The following TMEM165 variants were observed in gnomAD, a reference collection of about 807,000 sequenced individuals.
The protein encoded by TMEM165 is transmembrane protein 165, also known as putative divalent cation/proton antiporter TMEM165.
Under a neutral mutation model 30.0 loss-of-function variants are expected in TMEM165, and 19 were observed. The ratio of observed to expected loss-of-function variants is 0.63; its 90% CI spans 0.44 to 0.93. The LOEUF (loss-of-function observed/expected upper bound fraction) is 0.93. Among genes scored for constraint, TMEM165 ranks in the 40% least tolerant of loss-of-function variants. TMEM165 has a pLI of 0.00. For synonymous variants in TMEM165, 168 were observed against 162.9 expected (o/e 1.03, Z -0.24); for missense variants, 340 against 417.0 (o/e 0.82, Z 1.61).
In TMEM165 at chr4:55,402,795, C is replaced by CTTTTTTTTTTTTTTTTTT. The variant is rs71194554; in HGVS notation, c.207+6413_207+6414insTTTTTTTTTTTTTTTTTT. On this transcript the variant is annotated intron_variant, in intron 1 of 5. Coordinates refer to ENST00000381334, the MANE Select transcript of TMEM165 (RefSeq NM_018475.5). ...ACATTTTTACAACTTTTAAAAAAAG[C>CTTTTTTTTTTTTTTTTTT]TTTTTTTTTTTTTTGAGACGGAGTC... Among the ~76,000 whole-genome samples, 219 of 71,384 alleles carry CTTTTTTTTTTTTTTTTTT rather than the reference C, an allele frequency of 3.1e-3. 47 individuals are homozygous for CTTTTTTTTTTTTTTTTTT. The highest frequency in any genetic ancestry group is 3.9e-3 in the Non-Finnish European group (162 of 41,200). The allele number at this position is 71,384 out of a possible 152,430, so 46.8% of individuals were successfully genotyped here. A position where few individuals can be genotyped will look rare whatever the true frequency, so the allele number is the denominator to read the frequency against.
chr4:55,447,997 C>T (rs1478666616), intron 3 of TMEM165, among the ~76,000 whole-genome samples: 1 of 151,966 alleles, frequency 6.6e-6, no homozygotes, highest in African/African-American at 2.4e-5. Context: ...ATTACTCCCC[C>T]TTTTTTTTGG....
At chr4:55,430,855 T>C (rs1476551259), downstream of TMEM165, 1 of 152,098 alleles carries the variant, frequency 6.6e-6, no homozygotes, top group Non-Finnish European at 1.5e-5. Context: ...GCAAGATAGG[T>C]TTACAATAGT....
intron 3 of TMEM165, among the ~76,000 whole-genome samples, chr4:55,448,601 C>CGCGCGCGTGTGTGTGTGTGTGTGTGT (rs764071880): frequency 8.5e-6 from 1 of 116,980 alleles, no homozygotes; most frequent in Non-Finnish European, 1.8e-5. Flanking sequence ...CGCACGCGCG[C>CGCGCGCGTGTGTGTGTGTGTGTGTGT]GTGTGTGTGT....
At position 55,417,827 on chromosome 4, in the gene TMEM165, G is replaced by T; in HGVS notation, c.634G>T (p.Gly212Ter). 1 of 1,604,176 alleles carries T rather than the reference G, an allele frequency of 6.2e-7. No individual in the cohort carries two copies. The highest frequency in any genetic ancestry group is 1.3e-5 in the African/African-American group (1 of 74,426). Residue 212 changes from glycine to a stop codon, truncating the protein, a stop_gained, in exon 4 of 6, where the codon GGA becomes TGA. Transcript: ENST00000381334. LOFTEE classifies it high-confidence loss of function. ...GTTTCAACGAACCAAACTTTTAAAT[G>T]GACCGGGAGATGTTGAAACGGGTAC... is the stretch of plus-strand genomic sequence containing the variant. ...EEFQRTKLLN[G>*]PGDVETGTSI... is the part of the protein sequence containing the mutation.
At chr4:55,432,532 A>C (rs1371163201) in intron 3 of TMEM165, 1 of 131,582 alleles carries the variant, frequency 7.6e-6, no homozygotes, top group Non-Finnish European at 1.6e-5. Flanking sequence ...TTTAAATGCT[A>C]TAGATTTGGG....
chr4:55,437,181 A>C lies in TMEM165; in HGVS notation c.408+12538A>C, dbSNP rs1299678290. Reference sequence around the variant, plus strand: ...CAACTAGCCTGTTTTAGTTTTCTACATCACAAAGACAAGGATTATATTTGG... The same window carrying C: ...CAACTAGCCTGTTTTAGTTTTCTACCTCACAAAGACAAGGATTATATTTGG... On this transcript the variant is annotated intron_variant, in intron 3 of 3. Coordinates refer to the TMEM165 transcript ENST00000608091. Among the ~76,000 whole-genome samples the C allele has an allele frequency of 1.3e-5, 2 of 152,354 alleles. 1 individual carries two copies. The highest frequency in any genetic ancestry group is 6.8e-3 in the Middle Eastern group (2 of 294).
intron 3 of TMEM165, among the ~76,000 whole-genome samples, chr4:55,450,520 C>G (rs1436130846): frequency 6.6e-6 from 1 of 152,164 alleles, no homozygotes; most frequent in East Asian, 1.9e-4. Context: ...GTAATCCCAG[C>G]ACTTTGGGAA....
intron 2 of TMEM165, among the ~76,000 whole-genome samples, chr4:55,414,790 C>T (rs1406258284): frequency 6.6e-6 from 1 of 152,200 alleles, no homozygotes; most frequent in Non-Finnish European, 1.5e-5. Context: ...CCTCCCTCCA[C>T]CCCAGGAATG....
chr4:55,452,992 T>A, exon 4 of TMEM165: 1 of 1,151,412 alleles, frequency 8.7e-7, no homozygotes, highest in Non-Finnish European at 1.3e-6. Flanking sequence ...TATTAATTAT[T>A]GAGTTTCATC....
In TMEM165 at chr4:55,448,583, TGCGC is replaced by T. The variant is rs1016031959; in HGVS notation, c.409-3649_409-3646del. 2.3e-4 allele frequency among the ~76,000 whole-genome samples: 24 copies of T among 106,080 alleles called. 2 individuals are homozygous for T. The highest frequency in any genetic ancestry group is 4.8e-3 in the Middle Eastern group (1 of 208). The allele number at this position is 106,080 out of a possible 152,430, so 69.6% of individuals were successfully genotyped here. ...GCATCTGTAACTATAATTATATATGTGCGCGCGCGCACGCGCGCGTGTGTGTGTG... is the reference window on the plus strand; with the variant it reads ...GCATCTGTAACTATAATTATATATGTGCGCGCACGCGCGCGTGTGTGTGTG... On this transcript the variant is annotated intron_variant, in intron 3 of 3. Coordinates refer to the TMEM165 transcript ENST00000608091.
intron 1 of TMEM165, among the ~76,000 whole-genome samples, chr4:55,406,731 C>T (rs1560389765): frequency 6.6e-6 from 1 of 151,986 alleles, no homozygotes; most frequent in Non-Finnish European, 1.5e-5. Flanking sequence ...GTCATCTCTG[C>T]TCACTGCAAC....
chr4:55,396,176 G>T lies in TMEM165; in HGVS notation c.-14G>T, dbSNP rs957257350. On this transcript the variant is annotated 5_prime_UTR_variant, in exon 1 of 6. Coordinates refer to ENST00000381334, the MANE Select transcript of TMEM165 (RefSeq NM_018475.5). ...CTCTTGCGGCGCCCGTGCGCGGCCGGCCCGGCAGGCGGGATGGCGGCCGCG... is the reference window on the plus strand; with the variant it reads ...CTCTTGCGGCGCCCGTGCGCGGCCGTCCCGGCAGGCGGGATGGCGGCCGCG... The T allele has an allele frequency of 7.3e-7, 1 of 1,362,830 alleles. No individual in the cohort carries two copies. The allele number at this position is 1,362,830 out of a possible 1,614,324, so 84.4% of individuals were successfully genotyped here.
intron 3 of TMEM165, among the ~76,000 whole-genome samples, chr4:55,439,810 T>C (rs1723201462): frequency 6.6e-6 from 1 of 152,112 alleles, no homozygotes; most frequent in Non-Finnish European, 1.5e-5. Flanking sequence ...ACTAGTCCAA[T>C]TTACAGGGAC....
intron 1 of TMEM165, among the ~76,000 whole-genome samples, chr4:55,406,503 A>G (rs541037635): frequency 1.3e-5 from 2 of 152,314 alleles, no homozygotes; most frequent in South Asian, 4.1e-4. Context: ...ATGTACACAT[A>G]CTTAGTATAT....
chr4:55,402,403 G>GTGTATATATATATATATATATATATA (rs1334888892), intron 1 of TMEM165, among the ~76,000 whole-genome samples: 1 of 48,180 alleles, frequency 2.1e-5, no homozygotes, highest in Non-Finnish European at 3.4e-5. Flanking sequence ...GTGTGTGTGT[G>GTGTATATATATATATATATATATATA]TATATATATA....
exon 4 of TMEM165, chr4:55,453,364 A>C: frequency 2.0e-6 from 1 of 499,310 alleles, no homozygotes; most frequent in South Asian, 3.6e-5. Context: ...ACTTAAATTA[A>C]GAAAAATAAA....
downstream of TMEM165, among the ~76,000 whole-genome samples, chr4:55,426,461 C>CATT (rs1722205658): frequency 3.3e-5 from 5 of 152,180 alleles, no homozygotes; most frequent in South Asian, 1.0e-3. Flanking sequence ...AAGACTACCT[C>CATT]ATTTTTTCAT....
chr4:55,396,121 G>C lies in TMEM165; in HGVS notation c.-69G>C, dbSNP rs1009062263. On this transcript the variant is annotated 5_prime_UTR_variant, in exon 1 of 6. Transcript: ENST00000381334. ...TGAGGACGCGCCGCGGAGGCTGTTC[G>C]GGGTCGAGGCTTCCCGTCGCCGGCA... The C allele has an allele frequency of 2.4e-6, 3 of 1,263,100 alleles. No individual in the cohort carries two copies. The highest frequency in any genetic ancestry group is 3.0e-6 in the Non-Finnish European group (3 of 997,332). The allele number at this position is 1,263,100 out of a possible 1,614,324, so 78.2% of individuals were successfully genotyped here. A position where few individuals can be genotyped will look rare whatever the true frequency, so the allele number is the denominator to read the frequency against.
In TMEM165 at chr4:55,409,490, T is replaced by C. The variant is rs551705058; in HGVS notation, c.208-2124T>C. Among the ~76,000 whole-genome samples the C allele has an allele frequency of 2.7e-4, 41 of 152,282 alleles. No homozygotes were observed. In the South Asian group the frequency reaches 7.9e-3, roughly 29 times the overall value. Reference sequence around the variant, plus strand: ...TAGGATTGGAAGAGACCTTTGGAAGTGGTTTATCTAGCCCAGGGCGTCTCA... The same window carrying C: ...TAGGATTGGAAGAGACCTTTGGAAGCGGTTTATCTAGCCCAGGGCGTCTCA... On this transcript the variant is annotated intron_variant, in intron 1 of 5. Transcript: ENST00000381334.
Sources: gnomAD v4.1 joint callset for allele counts (sites outside exome capture counted in the v4.1 genomes callset) on GRCh38, gnomAD v4.1.1 for gene constraint, MANE v1.5 for transcripts, NCBI Gene and HGNC (gene_info 2026-07-23, HGNC 2026-07-21) for gene names.